FARS2: variants seen among roughly 807,000 people sequenced by gnomAD.
The protein encoded by FARS2 is phenylalanyl-tRNA synthetase 2, mitochondrial, also known as phenylalanine--tRNA ligase, mitochondrial.
In FARS2, 40 loss-of-function variants were observed where a neutral mutation model predicts 46.4. The observed-to-expected ratio is 0.86, with a 90% CI of 0.67 to 1.12. FARS2 has a LOEUF of 1.12. Among genes scored for constraint, FARS2 ranks in the 50% most tolerant of loss-of-function variants. The pLI is 0.00. For missense variants in FARS2, 513 were observed against 567.9 expected (o/e 0.90, Z 0.98); for synonymous variants, 234 against 214.9 (o/e 1.09, Z -0.78).
chr6:5,704,241 A>T (rs1236329734), intron 6 of FARS2, among the ~76,000 whole-genome samples: 1 of 152,182 alleles, frequency 6.6e-6, no homozygotes, highest in African/African-American at 2.4e-5. Context: ...CTTGGCTCAT[A>T]GATGGTTGTC....
intron 6 of FARS2, among the ~76,000 whole-genome samples, chr6:5,758,479 A>C (rs2150974117): frequency 6.6e-6 from 1 of 152,274 alleles, no homozygotes; most frequent in African/African-American, 2.4e-5. Flanking sequence ...CCTCACTGTA[A>C]AACAGGGCTA....
intron 6 of FARS2, among the ~76,000 whole-genome samples, chr6:5,706,205 G>A (rs1409548675): frequency 6.6e-6 from 1 of 152,158 alleles, no homozygotes; most frequent in African/African-American, 2.4e-5. Flanking sequence ...TACTGCCGCT[G>A]ATGTGACAAC....
rs188236027 is a variant in FARS2, at chr6:5,395,431, T to A, written c.613-9111T>A. ...TAGATCAGGTAACAGAATTTTCACT[T>A]TTCCTGGACTATAAAAGATATTCTT... On this transcript the variant is annotated intron_variant, in intron 2 of 6. Coordinates refer to ENST00000274680, the MANE Select transcript of FARS2 (RefSeq NM_006567.5). Among the ~76,000 whole-genome samples, 128 of 152,308 alleles carry A rather than the reference T, an allele frequency of 8.4e-4. 1 individual carries two copies. The South Asian group carries it at 9.7e-3, about 12-fold the overall frequency.
At chr6:5,766,246 G>A (rs79809250) in intron 6 of FARS2, among the ~76,000 whole-genome samples, 13,754 of 152,300 alleles carry the variant, frequency 0.09, 1,058 homozygotes, top group East Asian at 0.25. Context: ...GTGTGCCTGC[G>A]TGAGTTGGGG....
At chr6:5,408,478 T>C (rs1236750391) in intron 3 of FARS2, among the ~76,000 whole-genome samples, 1 of 152,186 alleles carries the variant, frequency 6.6e-6, no homozygotes, top group African/African-American at 2.4e-5. Context: ...TAGACTCTTA[T>C]GACCATGGAG....
At chr6:5,481,398 G>C (rs531261844) in intron 4 of FARS2, among the ~76,000 whole-genome samples, 1 of 152,204 alleles carries the variant, frequency 6.6e-6, no homozygotes, top group African/African-American at 2.4e-5. Flanking sequence ...AAGACATGGG[G>C]CACATTGCAA....
chr6:5,735,699 C>T (rs1012323401), intron 6 of FARS2, among the ~76,000 whole-genome samples: 4 of 152,282 alleles, frequency 2.6e-5, no homozygotes, highest in South Asian at 2.1e-4. Flanking sequence ...TGTGAAGCTC[C>T]GCGTATTTGC....
intron 4 of FARS2, among the ~76,000 whole-genome samples, chr6:5,524,937 T>G (rs1769367615): frequency 6.6e-6 from 1 of 152,196 alleles, no homozygotes; most frequent in Non-Finnish European, 1.5e-5. Context: ...CCCTGGTGAC[T>G]CTACAGTAGC....
At chr6:5,396,565 G>A (rs954587739) in intron 2 of FARS2, among the ~76,000 whole-genome samples, 3 of 152,278 alleles carry the variant, frequency 2.0e-5, no homozygotes, top group Admixed American at 6.5e-5. Context: ...TTCTTTCACA[G>A]ACTAGATATG....
chr6:5,279,668 A>T (rs1766591153), intron 1 of FARS2, among the ~76,000 whole-genome samples: 1 of 151,836 alleles, frequency 6.6e-6, no homozygotes, highest in Admixed American at 6.6e-5. Context: ...CATAAGTTTC[A>T]GTTCAGTACC....
intron 1 of FARS2, among the ~76,000 whole-genome samples, chr6:5,270,063 CAGTT>C (rs1171755946): frequency 2.6e-5 from 4 of 152,184 alleles, no homozygotes; most frequent in Non-Finnish European, 4.4e-5. Context: ...GAGAGTAAAA[CAGTT>C]AGTTTCAGTT....
intron 6 of FARS2, among the ~76,000 whole-genome samples, chr6:5,699,691 T>A (rs1190191237): frequency 6.6e-6 from 1 of 152,108 alleles, no homozygotes; most frequent in Non-Finnish European, 1.5e-5. Context: ...GTATTTTTAG[T>A]AGAGATGAGG....
At chr6:5,459,378 A>ATT (rs10686556) in intron 4 of FARS2, among the ~76,000 whole-genome samples, 36,857 of 150,528 alleles carry the variant, frequency 0.24, 4,800 homozygotes, top group East Asian at 0.34. Context: ...GCAATTTATG[A>ATT]TTTTTTTTTT....
chr6:5,539,384 GTATATA>G (rs1554106819), intron 4 of FARS2, among the ~76,000 whole-genome samples: 7 of 79,572 alleles, frequency 8.8e-5, no homozygotes, highest in African/African-American at 2.8e-4. Context: ...TTTTTTTTGT[GTATATA>G]TATATATATG....
At chr6:5,609,236 T>G in intron 5 of FARS2, 1 of 1,202,954 alleles carries the variant, frequency 8.3e-7, no homozygotes, top group Non-Finnish European at 1.2e-6. Flanking sequence ...ATTAAAATCT[T>G]CTGCCACTGC....
intron 1 of FARS2, among the ~76,000 whole-genome samples, chr6:5,352,882 C>T (rs924442219): frequency 1.3e-5 from 2 of 152,132 alleles, no homozygotes; most frequent in African/African-American, 4.8e-5. Flanking sequence ...TTTAGCATTT[C>T]TGTCATCTCA....
chr6:5,269,776 G>A (rs577659548), intron 1 of FARS2, among the ~76,000 whole-genome samples: 2 of 152,292 alleles, frequency 1.3e-5, no homozygotes, highest in South Asian at 4.1e-4. Context: ...ATCTCTCAGA[G>A]GATGGGTCGA....
At chr6:5,489,283 G>A (rs774306262) in intron 4 of FARS2, among the ~76,000 whole-genome samples, 9 of 151,998 alleles carry the variant, frequency 5.9e-5, no homozygotes, top group Non-Finnish European at 8.8e-5. Context: ...GTGAAACGCC[G>A]TCTCTGCTAA....
intron 4 of FARS2, among the ~76,000 whole-genome samples, chr6:5,516,972 T>A (rs1768837750): frequency 6.6e-6 from 1 of 152,062 alleles, no homozygotes; most frequent in Admixed American, 6.6e-5. Flanking sequence ...AGGATGTTGT[T>A]CTGGAGAAAC....
Sources: gnomAD v4.1 joint callset for allele counts (sites outside exome capture counted in the v4.1 genomes callset) on GRCh38, gnomAD v4.1.1 for gene constraint, MANE v1.5 for transcripts, NCBI Gene and HGNC (gene_info 2026-07-23, HGNC 2026-07-21) for gene names.